BRWD3: variants seen among roughly 807,000 people sequenced by gnomAD.
BRWD3 encodes bromodomain and WD repeat-containing protein 3.
In BRWD3, 10 loss-of-function variants were observed where a neutral mutation model predicts 149.7. The ratio of observed to expected loss-of-function variants is 0.07; its 90% CI spans 0.04 to 0.11. The LOEUF (loss-of-function observed/expected upper bound fraction) is 0.11. BRWD3 is among the 10% of genes least tolerant of loss of function. BRWD3 has a pLI of 1.00. For missense variants in BRWD3, 940 were observed against 1,373.2 expected, an observed-to-expected ratio of 0.68 and a Z score of 4.99; for synonymous variants, 504 against 456.7, an observed-to-expected ratio of 1.10 and a Z score of -1.32.
At chrX:80,706,479 A>G (rs886330138) in intron 22 of BRWD3, among the ~76,000 whole-genome samples, 4 of 111,548 alleles carry the variant, frequency 3.6e-5, no homozygotes, top group Non-Finnish European at 7.5e-5. Flanking sequence ...TTTTTATTTT[A>G]AAATTTTGTT....
At position 80,744,367 on chromosome X, in the gene BRWD3, T is replaced by C. The variant is rs1209661285; in HGVS notation, c.592-114A>G. 3 of 545,010 alleles carry C rather than the reference T, an allele frequency of 5.5e-6. No homozygotes were observed. The East Asian group carries it at 1.1e-4, about 19-fold the overall frequency. 44.9% of individuals were successfully genotyped at this position (545,010 alleles called of 1,213,427 possible). On this transcript the variant is annotated intron_variant, in intron 7 of 40. Transcript: ENST00000373275. ...AAATTACTTCTAAGCCTTTACTTTCTAGTCTCCTCTCTACATATAATAGGG... is the reference window on the plus strand; with the variant it reads ...AAATTACTTCTAAGCCTTTACTTTCCAGTCTCCTCTCTACATATAATAGGG...
At chrX:80,808,395 G>A in intron 4 of BRWD3, 144 bp downstream of exon 4, 1 of 521,871 alleles carries the variant, frequency 1.9e-6, no homozygotes, top group South Asian at 2.7e-5. Flanking sequence ...GACTAGCAGG[G>A]ATGGGGGAAG....
At chrX:80,689,112 T>C (rs943233533) in intron 33 of BRWD3, among the ~76,000 whole-genome samples, 1 of 111,532 alleles carries the variant, frequency 9.0e-6, no homozygotes, top group African/African-American at 3.2e-5. Context: ...CACTCATCCC[T>C]GGGATGAATT....
chrX:80,681,336 C>T lies in BRWD3; in HGVS notation c.4654+5G>A. 2 of 1,206,999 alleles carry T rather than the reference C, an allele frequency of 1.7e-6. No homozygotes were observed. Among genetic ancestry groups the T allele is most frequent in the Non-Finnish European group, 2.2e-6 (2 of 892,114 alleles). On this transcript the variant is annotated splice_donor_5th_base_variant and intron_variant, in intron 40 of 40. Transcript: ENST00000373275. ...TAAATGTCTTGTCCTGTATTTATTTCCTACCTTGTTTAACTGGCAAAACTC... is the reference window on the plus strand; with the variant it reads ...TAAATGTCTTGTCCTGTATTTATTTTCTACCTTGTTTAACTGGCAAAACTC...
At chrX:80,701,192 A>G (rs2072781899) in intron 24 of BRWD3, among the ~76,000 whole-genome samples, 1 of 111,148 alleles carries the variant, frequency 9.0e-6, no homozygotes, top group African/African-American at 3.3e-5. Flanking sequence ...CAGCTCTTTA[A>G]GTCACCATTT....
chrX:80,685,639 A>G, intron 35 of BRWD3, 103 bp from the exon 36 acceptor site: 1 of 602,078 alleles, frequency 1.7e-6, no homozygotes, highest in Admixed American at 2.7e-5. Flanking sequence ...ATACACTGGA[A>G]TCATGTTTTA....
rs769363805 is a variant in BRWD3 at position 80,673,232 on chromosome X, A to C, written c.*3377T>G. 8 of 111,457 alleles carry C rather than the reference A, an allele frequency of 7.2e-5. 1 individual carries two copies. Among genetic ancestry groups the C allele is most frequent in the African/African-American group, 9.8e-5 (3 of 30,690 alleles). 9.2% of individuals were successfully genotyped at this position (111,457 alleles called of 1,213,427 possible). A position where few individuals can be genotyped will look rare whatever the true frequency, so the allele number is the denominator to read the frequency against. On this transcript the variant is annotated 3_prime_UTR_variant, in exon 41 of 41. Coordinates refer to ENST00000373275, the MANE Select transcript of BRWD3 (RefSeq NM_153252.5). ...TGTTACTTTGCATCTGCGGGAAACA[A>C]AGTATTATAGAGAAGAATTCCAACA...
At chrX:80,798,414 A>G (rs928374234) in intron 4 of BRWD3, among the ~76,000 whole-genome samples, 1 of 110,965 alleles carries the variant, frequency 9.0e-6, no homozygotes. Context: ...ACATTTTTAA[A>G]TAAATCTATA....
At chrX:80,758,279 T>C (rs2073766399) in intron 6 of BRWD3, among the ~76,000 whole-genome samples, 5 of 112,059 alleles carry the variant, frequency 4.5e-5, no homozygotes, top group Admixed American at 2.8e-4. Flanking sequence ...TCTGCAAAGC[T>C]TGTATCACTT....
chrX:80,702,928 C>T (rs1004971870), intron 24 of BRWD3, among the ~76,000 whole-genome samples: 3 of 111,358 alleles, frequency 2.7e-5, no homozygotes, highest in Non-Finnish European at 3.8e-5. Flanking sequence ...TCCAATGTTA[C>T]GATAATTTTC....
At chrX:80,774,604 T>C (rs1305402578) in intron 6 of BRWD3, among the ~76,000 whole-genome samples, 1 of 112,016 alleles carries the variant, frequency 8.9e-6, no homozygotes, top group Non-Finnish European at 1.9e-5. Context: ...CCATCCCGTC[T>C]TACCTGGATG....
intron 7 of BRWD3, among the ~76,000 whole-genome samples, chrX:80,745,059 C>A (rs186873340): frequency 1.8e-3 from 200 of 110,811 alleles, no homozygotes; most frequent in African/African-American, 6.4e-3. Flanking sequence ...ATTTTGTACT[C>A]AAAAGCATAC....
intron 15 of BRWD3, among the ~76,000 whole-genome samples, chrX:80,724,561 A>T (rs1485811856): frequency 9.0e-6 from 1 of 111,669 alleles, no homozygotes; most frequent in East Asian, 2.8e-4. Flanking sequence ...TGATTACTAA[A>T]TCATATGAGG....
At chrX:80,747,275 T>C (rs1223966945) in intron 6 of BRWD3, among the ~76,000 whole-genome samples, 1 of 109,488 alleles carries the variant, frequency 9.1e-6, no homozygotes, top group Non-Finnish European at 1.9e-5. Context: ...CTTCTCAACC[T>C]TTAAACTATT....
At chrX:80,763,633 C>T (rs763490986) in intron 6 of BRWD3, among the ~76,000 whole-genome samples, 15 of 111,854 alleles carry the variant, frequency 1.3e-4, no homozygotes, top group Admixed American at 4.7e-4. Flanking sequence ...AATCTATTTA[C>T]GATCACGCCA....
intron 33 of BRWD3, among the ~76,000 whole-genome samples, 196 bp from the exon 34 acceptor site, chrX:80,688,321 GGAA>G (rs1178067079): frequency 1.8e-5 from 2 of 111,324 alleles, no homozygotes; most frequent in African/African-American, 6.5e-5. Context: ...AAAATATACT[GGAA>G]GAAGAATTAA....
rs757950969 is a variant in BRWD3 at position 80,695,891 on chromosome X, A to G, written c.3151+17T>C. ...TACATAAGCTTAATAGTTATTAAAC[A>G]ACAATTCTATATTTACCAATCTGCC... is the stretch of plus-strand genomic sequence containing the variant. On this transcript the variant is annotated intron_variant, in intron 27 of 40. Coordinates refer to ENST00000373275, the MANE Select transcript of BRWD3 (RefSeq NM_153252.5). The G allele has an allele frequency of 8.4e-6, 10 of 1,183,621 alleles. No individual in the cohort carries two copies. In the South Asian group the frequency reaches 1.8e-4, roughly 21 times the overall value.
intron 37 of BRWD3, among the ~76,000 whole-genome samples, chrX:80,683,105 T>A (rs1422649768): frequency 1.8e-5 from 2 of 111,739 alleles, no homozygotes; most frequent in Admixed American, 9.6e-5. Flanking sequence ...CTGGTTAGTA[T>A]AACATAAAAC....
At chrX:80,795,265 G>A (rs1468692082) in intron 4 of BRWD3, among the ~76,000 whole-genome samples, 1 of 110,110 alleles carries the variant, frequency 9.1e-6, no homozygotes, top group Non-Finnish European at 1.9e-5. Flanking sequence ...TAAAGTGAAC[G>A]TCTACATTCT....
Sources: gnomAD v4.1 joint callset for allele counts (sites outside exome capture counted in the v4.1 genomes callset) on GRCh38, gnomAD v4.1.1 for gene constraint, MANE v1.5 for transcripts, NCBI Gene and HGNC (gene_info 2026-07-23, HGNC 2026-07-21) for gene names.